ATG16L2: variants seen among roughly 807,000 people sequenced by gnomAD.
ATG16L2 encodes protein Atg16l2.
ATG16L2 carries 77 observed loss-of-function variants against 84.7 expected under a neutral mutation model. The ratio of observed to expected loss-of-function variants is 0.91; its 90% CI spans 0.76 to 1.10. ATG16L2 has a LOEUF of 1.10. Among genes scored for constraint, ATG16L2 ranks in the 50% least tolerant of loss-of-function variants. The pLI, the probability that ATG16L2 is intolerant of heterozygous loss-of-function variation, is 0.00. For missense variants in ATG16L2, 782 were observed against 817.6 expected (o/e 0.96, Z 0.53); for synonymous variants, 361 against 342.8 (o/e 1.05, Z -0.59).
At chr11:72,824,665 G>A in intron 8 of ATG16L2, 69 bp from the exon 9 acceptor site, 1 of 1,132,822 alleles carries the variant, frequency 8.8e-7, no homozygotes, top group Non-Finnish European at 1.3e-6. Flanking sequence ...ATGCCTCAGG[G>A]GAGCTGGAGG....
At chr11:72,816,943 A>AGGGGTGGTG (rs1202531224) in intron 2 of ATG16L2, 116 bp downstream of exon 2, 4 of 312,318 alleles carry the variant, frequency 1.3e-5, no homozygotes, top group East Asian at 9.6e-5. Flanking sequence ...GCTGCTGCCC[A>AGGGGTGGTG]GGGGTGGTGG....
rs539823846 is a variant in ATG16L2 at position 72,838,513 on chromosome 11, C to T, written c.*22-4104C>T. On this transcript the variant is annotated intron_variant, in intron 5 of 5. Transcript: ENST00000534905. The stretch of plus-strand genomic sequence containing the variant: ...TCTTGAGTCTCATATAAAAACAGAC[C>T]ACTGTTAGGCATGAGGGCTGCCCCC... 3.5e-4 allele frequency: 169 copies of T among 481,978 alleles called. 1 individual carries two copies. In the South Asian group the frequency reaches 3.9e-3, roughly 11 times the overall value. 29.9% of individuals were successfully genotyped at this position (481,978 alleles called of 1,614,324 possible).
At chr11:72,821,885 CG>C (rs1353747553) in intron 4 of ATG16L2, 144 bp downstream of exon 4, 6 of 1,417,206 alleles carry the variant, frequency 4.2e-6, no homozygotes, top group Admixed American at 2.6e-5. Flanking sequence ...GAGGACCGAA[CG>C]GCTGGGCTCT....
At chr11:72,827,621 C>T (rs1040837520) in intron 14 of ATG16L2, among the ~76,000 whole-genome samples, 2 of 152,186 alleles carry the variant, frequency 1.3e-5, no homozygotes, top group African/African-American at 4.8e-5. Context: ...AAGACCCTAA[C>T]TTTGGGCTTG....
chr11:72,838,614 A>G (rs956422578), intron 5 of ATG16L2: 18 of 596,022 alleles, frequency 3.0e-5, no homozygotes, highest in African/African-American at 3.0e-4. Context: ...CAAAAAAAAA[A>G]GGCACGAAAT....
chr11:72,833,909 G>A (rs766182856), downstream of ATG16L2, among the ~76,000 whole-genome samples: 13 of 147,490 alleles, frequency 8.8e-5, no homozygotes, highest in Middle Eastern at 7.0e-3. Context: ...GGTGACGAGC[G>A]AAACTCCGTC....
At chr11:72,835,638 T>C (rs556025889) in intron 5 of ATG16L2, among the ~76,000 whole-genome samples, 3 of 152,308 alleles carry the variant, frequency 2.0e-5, no homozygotes, top group South Asian at 2.1e-4. Flanking sequence ...TAAATGGATA[T>C]AGTCCTTATA....
At position 72,822,247 on chromosome 11, in the gene ATG16L2, A is replaced by G. The variant is rs1283076460; in HGVS notation, c.596A>G (p.Lys199Arg). The change falls in exon 5 of 18, where the codon AAG becomes AGG. Residue 199 changes from lysine (K) to arginine (R), a missense_variant. Coordinates refer to ENST00000321297, the MANE Select transcript of ATG16L2 (RefSeq NM_033388.2). This position sits in a 1 kb window ranked among gnomAD's most constrained non-coding sequence, Gnocchi z 4.2. ...CTGCTGGAGAGGCTCGTGCAGCGCA[A>G]GGCGCGCGCCGCGGCCGAGCGCAAC... Reference protein sequence around the residue: ...RDLLERLVQRKARAAAERNLR... With the variant: ...RDLLERLVQRRARAAAERNLR... 1 of 1,498,156 alleles carries G rather than the reference A, an allele frequency of 6.7e-7. No individual in the cohort carries two copies. Among genetic ancestry groups the G allele is most frequent in the Non-Finnish European group, 8.8e-7 (1 of 1,133,730 alleles). The allele number at this position is 1,498,156 out of a possible 1,614,324, so 92.8% of individuals were successfully genotyped here. A position where few individuals can be genotyped will look rare whatever the true frequency, so the allele number is the denominator to read the frequency against.
At position 72,814,524 on chromosome 11, in the gene ATG16L2, C is replaced by T; in HGVS notation, c.79C>T (p.Arg27Cys). The change falls in exon 1 of 18, where the codon CGT becomes TGT. Residue 27 changes from arginine to cysteine, a missense_variant. Arg to Cys is a radical substitution (Grantham distance 180, BLOSUM62 -3). Transcript: ENST00000321297. Reference protein sequence around the residue: ...HIVRQLRLRDRTQKALFLELV... With the variant: ...HIVRQLRLRDCTQKALFLELV... ...CGTGCGGCAGCTGCGGCTTCGGGAC[C>T]GTACGCAAAAGGCGCTTTTCCTGGA... 1 of 1,568,610 alleles carries T rather than the reference C, an allele frequency of 6.4e-7. No homozygotes were observed. The highest frequency in any genetic ancestry group is 8.6e-7 in the Non-Finnish European group (1 of 1,156,814).
chr11:72,825,390 T>C lies in ATG16L2; in HGVS notation c.1085T>C (p.Leu362Pro). 1 of 1,612,360 alleles carries C rather than the reference T, an allele frequency of 6.2e-7. No homozygotes were observed. The highest frequency in any genetic ancestry group is 8.5e-7 in the Non-Finnish European group (1 of 1,179,886). Residue 362 changes from leucine to proline, a missense_variant, in exon 10 of 18, where the codon CTC (leucine) becomes CCC (proline). By Grantham distance (98) the Leu-to-Pro change is moderately conservative. Coordinates refer to ENST00000321297, the MANE Select transcript of ATG16L2 (RefSeq NM_033388.2). ...ATGGADRLIH[L>P]WNVVGSRLEA... Reference sequence around the variant, plus strand: ...GGAGGGGCTGACCGCCTGATCCACCTCTGGAATGTTGTGGGAAGTAAGGAG... The same window carrying C: ...GGAGGGGCTGACCGCCTGATCCACCCCTGGAATGTTGTGGGAAGTAAGGAG...
intron 3 of ATG16L2, chr11:72,821,066 G>C (rs1311626796): frequency 3.5e-6 from 1 of 287,888 alleles, no homozygotes; most frequent in Non-Finnish European, 5.2e-6. Context: ...GAGGGGTGGG[G>C]AACAGAACTC....
rs548327958 is a variant in ATG16L2, at chr11:72,825,744, TC to T, written c.1102+338del. 2.0e-4 allele frequency among the ~76,000 whole-genome samples: 31 copies of T among 152,196 alleles called. No homozygotes were observed. The South Asian group carries it at 5.2e-3, about 25-fold the overall frequency. Reference sequence around the variant, plus strand: ...CCCTGAGTCTACCAGGTGACCCTCTTCTAGCATCACTTGAGCTCTCAGAACT... The same window carrying T: ...CCCTGAGTCTACCAGGTGACCCTCTTTAGCATCACTTGAGCTCTCAGAACT... On this transcript the variant is annotated intron_variant, in intron 10 of 17. Coordinates refer to ENST00000321297, the MANE Select transcript of ATG16L2 (RefSeq NM_033388.2).
chr11:72,841,802 T>G (rs1283654690), intron 5 of ATG16L2, among the ~76,000 whole-genome samples: 1 of 152,238 alleles, frequency 6.6e-6, no homozygotes. Flanking sequence ...ATCACATTAC[T>G]GATTTTAGTT....
chr11:72,842,246 G>C (rs1860979764), intron 5 of ATG16L2, among the ~76,000 whole-genome samples: 1 of 152,250 alleles, frequency 6.6e-6, no homozygotes, highest in South Asian at 2.1e-4. Context: ...GGCTCTGACA[G>C]TGAGGGAGAG....
intron 5 of ATG16L2, among the ~76,000 whole-genome samples, chr11:72,839,506 G>A (rs993279743): frequency 6.6e-6 from 1 of 152,162 alleles, no homozygotes; most frequent in South Asian, 2.1e-4. Flanking sequence ...GCCCAAACGA[G>A]GGTACTGGCA....
At chr11:72,828,087 A>G (rs1476087618) in intron 14 of ATG16L2, among the ~76,000 whole-genome samples, 2 of 152,190 alleles carry the variant, frequency 1.3e-5, no homozygotes, top group Admixed American at 6.5e-5. Flanking sequence ...ACGAGACTTC[A>G]TTGCTCAGAT....
chr11:72,829,701 G>C, downstream of ATG16L2: 1 of 1,036,662 alleles, frequency 9.6e-7, no homozygotes, highest in Non-Finnish European at 1.2e-6. Context: ...GGCTCTGGAA[G>C]ATCCAGGCTT....
intron 10 of ATG16L2, 130 bp from the exon 11 acceptor site, chr11:72,826,043 G>A (rs1439094429): frequency 6.8e-6 from 5 of 733,606 alleles, no homozygotes; most frequent in African/African-American, 5.3e-5. Flanking sequence ...CAGACCCAGC[G>A]ATTCTGTCTT....
At chr11:72,840,833 G>C in intron 5 of ATG16L2, 1 of 1,372,660 alleles carries the variant, frequency 7.3e-7, no homozygotes, top group Non-Finnish European at 1.0e-6. Context: ...CTTTCAATTT[G>C]GAAGAACTAT....
Sources: allele counts gnomAD v4.1 joint callset (sites outside exome capture counted in the v4.1 genomes callset), GRCh38; gene constraint gnomAD v4.1.1; non-coding constraint Gnocchi (gnomAD v3.1); transcripts MANE v1.5; gene names NCBI Gene and HGNC (gene_info 2026-07-23, HGNC 2026-07-21).